NPBWR2: variants seen among roughly 807,000 people sequenced by gnomAD.
The protein encoded by NPBWR2 is neuropeptides B/W receptor type 2.
For missense variants in NPBWR2, 390 were observed against 458.2 expected (o/e 0.85, Z 1.36); for synonymous variants, 207 against 223.5 (o/e 0.93, Z 0.66).
rs113363325 is a variant in NPBWR2, at chr20:64,105,663, A to G, written c.*167T>C. 1.3e-3 allele frequency among the ~76,000 whole-genome samples: 56 copies of G among 43,474 alleles called. No homozygotes were observed. Among genetic ancestry groups the G allele is most frequent in the African/African-American group, 2.5e-3 (24 of 9,464 alleles). 28.5% of individuals were successfully genotyped at this position (43,474 alleles called of 152,430 possible). A position where few individuals can be genotyped will look rare whatever the true frequency, so the allele number is the denominator to read the frequency against. The stretch of plus-strand genomic sequence containing the variant: ...GATGGTGGATGTGATGGGGGTGGGC[A>G]TGATGATGGGCGTGATGATGGGGGT... On this transcript the variant is annotated 3_prime_UTR_variant, in exon 2 of 2. Coordinates refer to ENST00000684052, the MANE Select transcript of NPBWR2 (RefSeq NM_005286.4).
In NPBWR2 at chr20:64,106,963, T is replaced by C. The variant is rs1481034200; in HGVS notation, c.-91-41A>G. 1.8e-6 allele frequency: 2 copies of C among 1,137,190 alleles called. No individual in the cohort carries two copies. The highest frequency in any genetic ancestry group is 3.1e-5 in the African/African-American group (2 of 63,758). 70.4% of individuals were successfully genotyped at this position (1,137,190 alleles called of 1,614,324 possible). On this transcript the variant is annotated intron_variant, in intron 1 of 1. Coordinates refer to ENST00000684052, the MANE Select transcript of NPBWR2 (RefSeq NM_005286.4). This position sits in a 1 kb window ranked among gnomAD's most constrained non-coding sequence, Gnocchi z 9.5. ...AACCAGAGACTTTGAGATCCGGCCG[T>C]CTGTTAGGGCACAGCCACTCCAGGT...
At position 64,105,927 on chromosome 20, in the gene NPBWR2, G is replaced by T. The variant is rs749019185; in HGVS notation, c.905C>A (p.Thr302Asn). ...PLVISMSYVI[T>N]SLSYANSCLN... The stretch of plus-strand genomic sequence containing the variant: ...GCACGAGTTGGCGTAGCTGAGGCTG[G>T]TGATGACGTAGGACATACTGATGAC... Residue 302 changes from threonine (T) to asparagine (N), a missense_variant, in exon 2 of 2, where the codon ACC becomes AAC. Coordinates refer to ENST00000684052, the MANE Select transcript of NPBWR2 (RefSeq NM_005286.4). 2 of 1,612,942 alleles carry T rather than the reference G, an allele frequency of 1.2e-6. No individual in the cohort carries two copies. Among genetic ancestry groups the T allele is most frequent in the Non-Finnish European group, 1.7e-6 (2 of 1,179,864 alleles).
Position 64,104,871 on chromosome 20 carries a change from G to C in NPBWR2, c.*959C>G. ...GAGAGGACCGTCGGACACAGCAGGGGGGCACAGGGGAGCACAGGCCATGGA... is the reference window on the plus strand; with the variant it reads ...GAGAGGACCGTCGGACACAGCAGGGCGGCACAGGGGAGCACAGGCCATGGA... On this transcript the variant is annotated 3_prime_UTR_variant, in exon 2 of 2. Transcript: ENST00000684052. Among the ~76,000 whole-genome samples the C allele has an allele frequency of 8.4e-6, 1 of 119,300 alleles. No homozygotes were observed. The highest frequency in any genetic ancestry group is 2.8e-4 in the South Asian group (1 of 3,550). 78.3% of individuals were successfully genotyped at this position (119,300 alleles called of 152,430 possible).
chr20:64,105,674 CGTG>C lies in NPBWR2; in HGVS notation c.*153_*155del, dbSNP rs1979973910. 7 of 310,488 alleles carry C rather than the reference CGTG, an allele frequency of 2.3e-5. No homozygotes were observed. The highest frequency in any genetic ancestry group is 5.5e-5 in the East Asian group (1 of 18,260). 19.2% of individuals were successfully genotyped at this position (310,488 alleles called of 1,614,324 possible). On this transcript the variant is annotated 3_prime_UTR_variant, in exon 2 of 2. Coordinates refer to ENST00000684052, the MANE Select transcript of NPBWR2 (RefSeq NM_005286.4). ...TGATGGGGGTGGGCATGATGATGGG[CGTG>C]ATGATGGGGGTGGTGGTGGGGGTGA...
rs1488406941 is a variant in NPBWR2 at position 64,106,697 on chromosome 20, A to T, written c.135T>A (p.Tyr45Ter). Residue 45 changes from tyrosine to a stop codon, truncating the protein, a stop_gained, in exon 2 of 2, where the codon TAT (tyrosine) becomes TAA (stop). Transcript: ENST00000684052. LOFTEE classifies it low-confidence loss of function (END_TRUNC). The surrounding 1 kb of genome is among the most constrained non-coding windows in gnomAD (Gnocchi z 9.5). ...CGGAGTACACGGCGGGCAGGAGCAC[A>T]TAGAGGAACGGCAGTGGCTCGGAGA... is the stretch of plus-strand genomic sequence containing the variant. Reference protein sequence around the residue: ...ATFSEPLPFLYVLLPAVYSGI... With the variant: ...ATFSEPLPFL 7 of 1,612,796 alleles carry T rather than the reference A, an allele frequency of 4.3e-6. No individual in the cohort carries two copies. The African/African-American group carries it at 9.3e-5, about 22-fold the overall frequency.
rs1250422390 is a variant in NPBWR2 at position 64,106,416 on chromosome 20, C to T, written c.416G>A (p.Ser139Asn). 1 of 1,612,692 alleles carries T rather than the reference C, an allele frequency of 6.2e-7. No homozygotes were observed. The highest frequency in any genetic ancestry group is 1.3e-5 in the African/African-American group (1 of 74,934). The change falls in exon 2 of 2, where the codon AGC (serine) becomes AAC (asparagine). Residue 139 changes from serine to asparagine, a missense_variant. Ser to Asn is a conservative substitution (Grantham distance 46, BLOSUM62 1). Transcript: ENST00000684052. This position sits in a 1 kb window ranked among gnomAD's most constrained non-coding sequence, Gnocchi z 9.5. ...FSSIYFLAVM[S>N]VDRYLVVLAT... ...CAGCACCACCAGGTATCGGTCCACG[C>T]TCATCACGGCTAGGAAGTAGATGCT...
In NPBWR2 at chr20:64,105,360, A is replaced by G. The variant is rs34896930; in HGVS notation, c.*470T>C. Among the ~76,000 whole-genome samples the G allele has an allele frequency of 0.14, 21,622 of 149,542 alleles. 1,629 individuals are homozygous for G. The highest frequency in any genetic ancestry group is 0.16 in the Non-Finnish European group (10,587 of 67,398). ...GCTGCTGTCCACCCAGGGGCTGTCC[A>G]GGAAGCAGAGACATGGGAGGTATAT... is the stretch of plus-strand genomic sequence containing the variant. On this transcript the variant is annotated 3_prime_UTR_variant, in exon 2 of 2. Coordinates refer to ENST00000684052, the MANE Select transcript of NPBWR2 (RefSeq NM_005286.4).
chr20:64,105,690 G>GGCATGA lies in NPBWR2; in HGVS notation c.*139_*140insTCATGC. The stretch of plus-strand genomic sequence containing the variant: ...GATGATGGGCGTGATGATGGGGGTG[G>GGCATGA]TGGTGGGGGTGATGGTGGGGGTGGT... On this transcript the variant is annotated 3_prime_UTR_variant, in exon 2 of 2. Transcript: ENST00000684052. The GGCATGA allele has an allele frequency of 1.9e-5, 5 of 262,642 alleles. No homozygotes were observed. Among genetic ancestry groups the GGCATGA allele is most frequent in the South Asian group, 1.2e-4 (3 of 24,392 alleles). The allele number at this position is 262,642 out of a possible 1,614,324, so 16.3% of individuals were successfully genotyped here.
In NPBWR2 at chr20:64,105,860, C is replaced by T; in HGVS notation, c.972G>A (p.Arg324=). The change falls in exon 2 of 2, where the codon CGG becomes CGA. Residue 324 remains arginine (R), a synonymous_variant. Transcript: ENST00000684052. ...ACCGCAATATGCTGCGGAAGTTCTTCCGGAAGTTGTCATCTAGAAAGGCGT... is the reference window on the plus strand; with the variant it reads ...ACCGCAATATGCTGCGGAAGTTCTTTCGGAAGTTGTCATCTAGAAAGGCGT... ...FLYAFLDDNF[R]KNFRSILRC 1 of 1,505,500 alleles carries T rather than the reference C, an allele frequency of 6.6e-7. No individual in the cohort carries two copies. The highest frequency in any genetic ancestry group is 9.0e-7 in the Non-Finnish European group (1 of 1,111,940). 93.3% of individuals were successfully genotyped at this position (1,505,500 alleles called of 1,614,324 possible).
rs201038042 is a variant in NPBWR2 at position 64,106,211 on chromosome 20, G to C, written c.621C>G (p.Val207=). Residue 207 remains valine (V), a synonymous_variant, in exon 2 of 2, where the codon GTC becomes GTG. Transcript: ENST00000684052. The surrounding 1 kb of genome is among the most constrained non-coding windows in gnomAD (Gnocchi z 9.5). The part of the protein sequence containing the change: ...CGLSFPWPEQ[V]WFKASRVYTL... The stretch of plus-strand genomic sequence containing the variant: ...TGTAGACACGGCTGGCCTTGAACCA[G>C]ACCTGCTCGGGCCACGGGAAGCTCA... The C allele has an allele frequency of 5.6e-6, 9 of 1,612,702 alleles. No homozygotes were observed. The highest frequency in any genetic ancestry group is 7.6e-6 in the Non-Finnish European group (9 of 1,179,954).
In NPBWR2 at chr20:64,105,773, G is replaced by C; in HGVS notation, c.*57C>G. On this transcript the variant is annotated 3_prime_UTR_variant, in exon 2 of 2. Coordinates refer to ENST00000684052, the MANE Select transcript of NPBWR2 (RefSeq NM_005286.4). ...GTGTGGGCATGATGATGATGGGCGT[G>C]ATGATGATGGGGGGTGATGATGGGC... 7.0e-7 allele frequency: 1 copy of C among 1,433,574 alleles called. No homozygotes were observed. The highest frequency in any genetic ancestry group is 9.4e-7 in the Non-Finnish European group (1 of 1,062,458). 88.8% of individuals were successfully genotyped at this position (1,433,574 alleles called of 1,614,324 possible). A position where few individuals can be genotyped will look rare whatever the true frequency, so the allele number is the denominator to read the frequency against.
Position 64,103,860 on chromosome 20 carries a change from G to A in NPBWR2, c.*1970C>T, listed in dbSNP as rs1979858895. 6.6e-6 allele frequency among the ~76,000 whole-genome samples: 1 copy of A among 152,282 alleles called. No homozygotes were observed. The highest frequency in any genetic ancestry group is 2.4e-5 in the African/African-American group (1 of 41,472). On this transcript the variant is annotated 3_prime_UTR_variant, in exon 2 of 2. Transcript: ENST00000684052. Reference sequence around the variant, plus strand: ...ATATCTAATACAATGTTGTCAGGGAGGATAAGTGGATGGAGATGGCCGTGG... The same window carrying A: ...ATATCTAATACAATGTTGTCAGGGAAGATAAGTGGATGGAGATGGCCGTGG...
chr20:64,106,701 A>G lies in NPBWR2; in HGVS notation c.131T>C (p.Leu44Pro). 6.2e-7 allele frequency: 1 copy of G among 1,612,872 alleles called. No homozygotes were observed. The highest frequency in any genetic ancestry group is 8.5e-7 in the Non-Finnish European group (1 of 1,180,012). The change falls in exon 2 of 2, where the codon CTC becomes CCC. Residue 44 changes from leucine to proline, a missense_variant. Leu to Pro is a moderately conservative substitution (Grantham distance 98). Transcript: ENST00000684052. The surrounding 1 kb of genome is among the most constrained non-coding windows in gnomAD (Gnocchi z 9.5). ...GTACACGGCGGGCAGGAGCACATAG[A>G]GGAACGGCAGTGGCTCGGAGAAGGT... ...NATFSEPLPF[L>P]YVLLPAVYSG...
rs1980089145 is a variant in NPBWR2 at position 64,107,362 on chromosome 20, A to G, written c.-92+2T>C. ...GGTCCAGCTACTCTTCTCTCCACTG[A>G]CCTGTCCAGTGCTTCGAGTCCAGAA... On this transcript the variant is annotated splice_donor_variant, in intron 1 of 1. Transcript: ENST00000684052. LOFTEE classifies it low-confidence loss of function (5UTR_SPLICE). This position sits in a 1 kb window ranked among gnomAD's most constrained non-coding sequence, Gnocchi z 6.3. Among the ~76,000 whole-genome samples the G allele has an allele frequency of 1.3e-5, 2 of 152,012 alleles. No individual in the cohort carries two copies. The highest frequency in any genetic ancestry group is 4.8e-5 in the African/African-American group (2 of 41,364).
chr20:64,105,717 G>GGTGTGATGA lies in NPBWR2; in HGVS notation c.*112_*113insTCATCACAC. 1.4e-5 allele frequency: 3 copies of GGTGTGATGA among 218,420 alleles called. No homozygotes were observed. In the South Asian group the frequency reaches 1.7e-4, roughly 12 times the overall value. 13.5% of individuals were successfully genotyped at this position (218,420 alleles called of 1,614,324 possible). ...GGTGGGGGTGATGGTGGGGGTGGTG[G>GGTGTGATGA]TGGGGGTGGGGGGGGGTGGGCCTGA... On this transcript the variant is annotated 3_prime_UTR_variant, in exon 2 of 2. Transcript: ENST00000684052.
In NPBWR2 at chr20:64,105,854, G is replaced by A. The variant is rs759791101; in HGVS notation, c.978C>T (p.Asn326=). 1 of 1,510,286 alleles carries A rather than the reference G, an allele frequency of 6.6e-7. No individual in the cohort carries two copies. Among genetic ancestry groups the A allele is most frequent in the South Asian group, 1.2e-5 (1 of 84,318 alleles). 93.6% of individuals were successfully genotyped at this position (1,510,286 alleles called of 1,614,324 possible). Residue 326 remains asparagine (N), a synonymous_variant, in exon 2 of 2, where the codon AAC becomes AAT. Coordinates refer to ENST00000684052, the MANE Select transcript of NPBWR2 (RefSeq NM_005286.4). Reference sequence around the variant, plus strand: ...TTCAGCACCGCAATATGCTGCGGAAGTTCTTCCGGAAGTTGTCATCTAGAA... The same window carrying A: ...TTCAGCACCGCAATATGCTGCGGAAATTCTTCCGGAAGTTGTCATCTAGAA... ...YAFLDDNFRK[N]FRSILRC
chr20:64,106,181 C>G lies in NPBWR2; in HGVS notation c.651G>C (p.Leu217Phe). The G allele has an allele frequency of 3.7e-6, 6 of 1,612,642 alleles. No individual in the cohort carries two copies. Among genetic ancestry groups the G allele is most frequent in the Non-Finnish European group, 5.1e-6 (6 of 1,179,892 alleles). The change falls in exon 2 of 2, where the codon TTG (leucine) becomes TTC (phenylalanine). Residue 217 changes from leucine to phenylalanine, a missense_variant. Leu to Phe is a conservative substitution (Grantham distance 22). Coordinates refer to ENST00000684052, the MANE Select transcript of NPBWR2 (RefSeq NM_005286.4). The surrounding 1 kb of genome is among the most constrained non-coding windows in gnomAD (Gnocchi z 9.5). Reference sequence around the variant, plus strand: ...ACACGGGCAGCACGAAGCCCAGGACCAACGTGTAGACACGGCTGGCCTTGA... The same window carrying G: ...ACACGGGCAGCACGAAGCCCAGGACGAACGTGTAGACACGGCTGGCCTTGA... Reference protein sequence around the residue: ...VWFKASRVYTLVLGFVLPVCT... With the variant: ...VWFKASRVYTFVLGFVLPVCT...
chr20:64,106,569 G>A lies in NPBWR2; in HGVS notation c.263C>T (p.Ala88Val). The change falls in exon 2 of 2, where the codon GCC becomes GTC. Residue 88 changes from alanine to valine, a missense_variant. Transcript: ENST00000684052. The surrounding 1 kb of genome is among the most constrained non-coding windows in gnomAD (Gnocchi z 9.5). ...TVTNVFILNL[A>V]VADGLFTLVL... ...CAGCGTGAAGAGCCCGTCGGCGACG[G>A]CCAGGTTCAGGATGAACACGTTGGT... The A allele has an allele frequency of 6.2e-7, 1 of 1,611,722 alleles. No individual in the cohort carries two copies.
rs373920159 is a variant in NPBWR2 at position 64,106,691 on chromosome 20, G to T, written c.141C>A (p.Leu47=). The T allele has an allele frequency of 6.8e-6, 11 of 1,612,780 alleles. No individual in the cohort carries two copies. Among genetic ancestry groups the T allele is most frequent in the Non-Finnish European group, 9.3e-6 (11 of 1,180,046 alleles). The change falls in exon 2 of 2, where the codon CTC becomes CTA. Residue 47 remains leucine, a synonymous_variant. Transcript: ENST00000684052. This position sits in a 1 kb window ranked among gnomAD's most constrained non-coding sequence, Gnocchi z 9.5. ...FSEPLPFLYV[L]LPAVYSGICA... ...AGATCCCGGAGTACACGGCGGGCAG[G>T]AGCACATAGAGGAACGGCAGTGGCT...
Sources: gnomAD v4.1 joint callset for allele counts (sites outside exome capture counted in the v4.1 genomes callset) on GRCh38, gnomAD v4.1.1 for gene constraint, Gnocchi (gnomAD v3.1) non-coding constraint, MANE v1.5 for transcripts, NCBI Gene and HGNC (gene_info 2026-07-23, HGNC 2026-07-21) for gene names.